GRM7: variants seen among roughly 807,000 people sequenced by gnomAD.
The protein encoded by GRM7 is metabotropic glutamate receptor 7.
GRM7 carries 35 observed loss-of-function variants against 84.5 expected under a neutral mutation model. The ratio of observed to expected loss-of-function variants is 0.41; its 90% CI spans 0.32 to 0.55. The LOEUF (loss-of-function observed/expected upper bound fraction) is 0.55. Among genes scored for constraint, GRM7 ranks in the 20% least tolerant of loss-of-function variants. GRM7 has a pLI of 0.19. For synonymous variants in GRM7, 487 were observed against 455.1 expected, an observed-to-expected ratio of 1.07 and a Z score of -0.89; for missense variants, 1,003 against 1,194.6, an observed-to-expected ratio of 0.84 and a Z score of 2.36.
chr3:7,198,420 A>G (rs1241619846), intron 2 of GRM7, among the ~76,000 whole-genome samples: 2 of 152,198 alleles, frequency 1.3e-5, no homozygotes, highest in African/African-American at 2.4e-5. Flanking sequence ...ATAACCTTCT[A>G]TATCCTGATT....
chr3:6,956,217 T>C (rs564881307), intron 1 of GRM7, among the ~76,000 whole-genome samples: 15 of 152,164 alleles, frequency 9.9e-5, no homozygotes, highest in African/African-American at 3.6e-4. Context: ...ATGGGCCAAC[T>C]CTCATGCATT....
intron 1 of GRM7, among the ~76,000 whole-genome samples, chr3:7,001,080 C>G (rs1430989062): frequency 6.6e-6 from 1 of 152,150 alleles, no homozygotes; most frequent in East Asian, 1.9e-4. Flanking sequence ...ACCTAGCCAT[C>G]CAACATAACC....
At chr3:7,463,175 T>C (rs3792476) in intron 7 of GRM7, among the ~76,000 whole-genome samples, 79,588 of 151,806 alleles carry the variant, frequency 0.52, 22,583 homozygotes, top group Non-Finnish European at 0.65. Context: ...TATTGTAAGA[T>C]CCAGTGGATT....
At chr3:7,434,128 C>T (rs534034322) in intron 5 of GRM7, among the ~76,000 whole-genome samples, 26 of 152,172 alleles carry the variant, frequency 1.7e-4, no homozygotes, top group Middle Eastern at 3.4e-3. Flanking sequence ...CGATTGTTAA[C>T]GCTACCATTA....
intron 1 of GRM7, among the ~76,000 whole-genome samples, chr3:6,996,988 G>A (rs1445537920): frequency 6.6e-6 from 1 of 152,182 alleles, no homozygotes; most frequent in Non-Finnish European, 1.5e-5. Flanking sequence ...ATGGAAAAGT[G>A]TCAGGTACTT....
At chr3:7,026,569 T>C (rs544228707) in intron 1 of GRM7, among the ~76,000 whole-genome samples, 1 of 152,274 alleles carries the variant, frequency 6.6e-6, no homozygotes, top group South Asian at 2.1e-4. Flanking sequence ...CTTACTATCA[T>C]GGCACCAACG....
At chr3:7,134,740 GA>G in intron 1 of GRM7, among the ~76,000 whole-genome samples, 1 of 152,102 alleles carries the variant, frequency 6.6e-6, no homozygotes, top group East Asian at 1.9e-4. Context: ...GTAACCAAGA[GA>G]AAGGTACACA....
intron 1 of GRM7, among the ~76,000 whole-genome samples, chr3:7,055,959 G>T (rs1280638635): frequency 6.6e-6 from 1 of 151,952 alleles, no homozygotes; most frequent in Non-Finnish European, 1.5e-5. Context: ...GTTTGTAGAG[G>T]ATATGGGGAC....
intron 2 of GRM7, among the ~76,000 whole-genome samples, chr3:7,164,510 T>TC (rs1363136182): frequency 2.0e-5 from 3 of 152,224 alleles, no homozygotes; most frequent in Non-Finnish European, 4.4e-5. Flanking sequence ...GAACCATCTG[T>TC]CCCACATGAC....
chr3:7,426,095 GTTCT>G (rs144628224), intron 5 of GRM7, among the ~76,000 whole-genome samples: 13 of 150,552 alleles, frequency 8.6e-5, no homozygotes, highest in African/African-American at 2.2e-4. Flanking sequence ...CATATCATAC[GTTCT>G]TTCTTTCTTT....
At chr3:7,015,212 T>A (rs1695519683) in intron 1 of GRM7, among the ~76,000 whole-genome samples, 1 of 151,280 alleles carries the variant, frequency 6.6e-6, no homozygotes, top group South Asian at 2.1e-4. Flanking sequence ...TCACAATAAG[T>A]CTTGCTGCTG....
chr3:7,580,057 G>A (rs1236147863), intron 8 of GRM7, among the ~76,000 whole-genome samples: 1 of 152,192 alleles, frequency 6.6e-6, no homozygotes, highest in Non-Finnish European at 1.5e-5. Flanking sequence ...GTGAAACTTT[G>A]AGGCCAACAT....
At chr3:6,966,696 G>A (rs1356195323) in intron 1 of GRM7, among the ~76,000 whole-genome samples, 3 of 152,182 alleles carry the variant, frequency 2.0e-5, no homozygotes, top group Non-Finnish European at 2.9e-5. Flanking sequence ...TGAAAAATAG[G>A]TCAAAGAGGA....
At chr3:7,706,761 T>G (rs1701401026) in intron 9 of GRM7, among the ~76,000 whole-genome samples, 1 of 152,216 alleles carries the variant, frequency 6.6e-6, no homozygotes, top group Admixed American at 6.5e-5. Context: ...CATGACTGAT[T>G]AATTGCCTAT....
At chr3:7,208,414 C>T (rs1261197509) in intron 2 of GRM7, among the ~76,000 whole-genome samples, 2 of 152,100 alleles carry the variant, frequency 1.3e-5, no homozygotes, top group African/African-American at 4.8e-5. Flanking sequence ...CTTGCTGGTG[C>T]GTGACCTTAG....
chr3:7,645,319 C>A (rs374877056), intron 8 of GRM7, among the ~76,000 whole-genome samples: 7 of 151,864 alleles, frequency 4.6e-5, no homozygotes, highest in Admixed American at 4.6e-4. Context: ...GAGGCCAAGG[C>A]GGGCAGACCA....
chr3:7,459,858 G>A (rs191791372), intron 6 of GRM7, among the ~76,000 whole-genome samples: 84 of 152,114 alleles, frequency 5.5e-4, no homozygotes, highest in African/African-American at 2.0e-3. Flanking sequence ...AGGGAACTCA[G>A]TAAGCCCGTT....
chr3:6,951,003 C>T (rs1027702580), intron 1 of GRM7, among the ~76,000 whole-genome samples: 4 of 152,188 alleles, frequency 2.6e-5, no homozygotes, highest in Admixed American at 1.3e-4. Flanking sequence ...CTTGCGCTTC[C>T]CGGGTGAGGT....
intron 8 of GRM7, among the ~76,000 whole-genome samples, chr3:7,592,062 T>C (rs748952145): frequency 2.0e-5 from 3 of 152,180 alleles, no homozygotes; most frequent in Non-Finnish European, 4.4e-5. Flanking sequence ...AATGAGTTAA[T>C]TCATTCTGTA....
Sources: allele counts gnomAD v4.1 joint callset (sites outside exome capture counted in the v4.1 genomes callset), GRCh38; gene constraint gnomAD v4.1.1; transcripts MANE v1.5; gene names NCBI Gene and HGNC (gene_info 2026-07-23, HGNC 2026-07-21).